Variants in ARHGEF3 observed in about 807,000 individuals in gnomAD.
The protein encoded by ARHGEF3 is 59.8 kDA protein.
A neutral mutation model predicts 63.2 loss-of-function variants in ARHGEF3; 28 were observed. The observed-to-expected ratio is 0.44, with a 90% CI of 0.33 to 0.61. ARHGEF3 has a LOEUF of 0.61. Ranked by LOEUF, ARHGEF3 falls within the 20% of genes least tolerant of loss-of-function variation. ARHGEF3 has a pLI of 0.03. For synonymous variants in ARHGEF3, 266 were observed against 254.2 expected, an observed-to-expected ratio of 1.05 and a Z score of -0.44; for missense variants, 533 against 659.3, an observed-to-expected ratio of 0.81 and a Z score of 2.10.
At chr3:56,944,290 T>TCAC (rs1034258140) in intron 3 of ARHGEF3, among the ~76,000 whole-genome samples, 1 of 152,174 alleles carries the variant, frequency 6.6e-6, no homozygotes, top group Non-Finnish European at 1.5e-5. Flanking sequence ...TGTAAAGGAT[T>TCAC]CACCATTCTA....
At chr3:56,792,147 A>AG (rs1478387234) in intron 1 of ARHGEF3, among the ~76,000 whole-genome samples, 94 of 83,012 alleles carry the variant, frequency 1.1e-3, no homozygotes, top group African/African-American at 8.2e-3. Flanking sequence ...AGAAAAGAAA[A>AG]TAACTGACTA....
At chr3:57,046,683 T>G (rs1238394890) in intron 1 of ARHGEF3, among the ~76,000 whole-genome samples, 1 of 152,180 alleles carries the variant, frequency 6.6e-6, no homozygotes, top group Non-Finnish European at 1.5e-5. Context: ...TCAGCTGCAC[T>G]GCAGGTAAAG....
chr3:57,017,005 G>GTCTCTCTT (rs1703036805), intron 2 of ARHGEF3, among the ~76,000 whole-genome samples: 1 of 129,058 alleles, frequency 7.7e-6, no homozygotes, highest in Admixed American at 7.7e-5. Flanking sequence ...CTTTCTCTCT[G>GTCTCTCTT]TCTCTCTCTC....
At chr3:56,892,016 G>C (rs968829672) in intron 3 of ARHGEF3, among the ~76,000 whole-genome samples, 1 of 152,090 alleles carries the variant, frequency 6.6e-6, no homozygotes, top group African/African-American at 2.4e-5. Flanking sequence ...CTTCTCCCAC[G>C]GGAGGGAAGA....
chr3:56,745,086 G>C, intron 7 of ARHGEF3, 119 bp downstream of exon 7: 1 of 1,315,744 alleles, frequency 7.6e-7, no homozygotes, highest in Non-Finnish European at 1.0e-6. Flanking sequence ...GCCAGGCCTG[G>C]AACCCAAGAT....
intron 4 of ARHGEF3, among the ~76,000 whole-genome samples, chr3:56,881,649 G>GA (rs112996968): frequency 1.0e-3 from 149 of 148,276 alleles, no homozygotes; most frequent in Middle Eastern, 6.9e-3. Flanking sequence ...GATTTAAAAA[G>GA]AAAAAAAAAA....
chr3:56,896,230 C>A (rs569653678), intron 3 of ARHGEF3, among the ~76,000 whole-genome samples: 1 of 152,286 alleles, frequency 6.6e-6, no homozygotes, highest in South Asian at 2.1e-4. Flanking sequence ...TCCTGAAAAT[C>A]CTTTACTCAG....
At chr3:56,799,443 G>C (rs1191018200) in intron 1 of ARHGEF3, among the ~76,000 whole-genome samples, 1 of 152,076 alleles carries the variant, frequency 6.6e-6, no homozygotes, top group African/African-American at 2.4e-5. Context: ...AAAGGCCTCT[G>C]GATAGATCTA....
At chr3:56,798,563 C>CAA (rs2037485103) in intron 1 of ARHGEF3, among the ~76,000 whole-genome samples, 1 of 132,046 alleles carries the variant, frequency 7.6e-6, no homozygotes, top group African/African-American at 2.9e-5. Flanking sequence ...TTTTTTAAGC[C>CAA]TTCTTTTTAA....
At chr3:56,744,745 T>C (rs1004682607) in intron 7 of ARHGEF3, among the ~76,000 whole-genome samples, 5 of 152,112 alleles carry the variant, frequency 3.3e-5, no homozygotes, top group Non-Finnish European at 5.9e-5. Context: ...ATCCCACTAG[T>C]GAGCAGGAGG....
chr3:56,807,171 C>T (rs556018715), intron 4 of ARHGEF3, among the ~76,000 whole-genome samples: 3 of 152,170 alleles, frequency 2.0e-5, no homozygotes, highest in African/African-American at 4.8e-5. Context: ...CAGGTGGGAG[C>T]CACCGCGCCA....
intron 2 of ARHGEF3, among the ~76,000 whole-genome samples, chr3:57,001,182 C>T (rs1702178110): frequency 1.3e-5 from 2 of 152,150 alleles, no homozygotes; most frequent in African/African-American, 4.8e-5. Context: ...TCAAGCAATC[C>T]ACCTGCTTCA....
At chr3:56,816,466 C>T (rs986997437) in intron 4 of ARHGEF3, among the ~76,000 whole-genome samples, 1 of 152,182 alleles carries the variant, frequency 6.6e-6, no homozygotes. Flanking sequence ...TCATTATTCT[C>T]TAGCATCTGT....
At chr3:56,977,236 C>T (rs139341144) in intron 2 of ARHGEF3, 138 of 456,462 alleles carry the variant, frequency 3.0e-4, no homozygotes, top group African/African-American at 2.3e-3. Context: ...CAAACTGGGG[C>T]GAGAAAAATG....
chr3:56,862,797 G>A (rs763423595), intron 4 of ARHGEF3, among the ~76,000 whole-genome samples: 1 of 152,128 alleles, frequency 6.6e-6, no homozygotes. Flanking sequence ...CTTATAGGAC[G>A]CAAGAGTCAA....
intron 2 of ARHGEF3, chr3:57,007,196 T>G: frequency 7.8e-7 from 1 of 1,282,602 alleles, no homozygotes; most frequent in Non-Finnish European, 1.0e-6. Flanking sequence ...ATTCTCAGTT[T>G]GTTCTGGAAT....
intron 1 of ARHGEF3, among the ~76,000 whole-genome samples, chr3:56,782,612 A>G (rs2036612225): frequency 2.6e-5 from 4 of 151,396 alleles, no homozygotes. Flanking sequence ...CCATATTAAG[A>G]TAAGGTGCTA....
At position 56,932,817 on chromosome 3, in the gene ARHGEF3, C is replaced by G. The variant is rs558032554; in HGVS notation, c.129+26006G>C. ...GCATTTTGAGTTATCACTTAAAATG[C>G]TAATTCTGAAGCTTTAAAAAATTTC... On this transcript the variant is annotated intron_variant, in intron 3 of 12. Coordinates refer to the ARHGEF3 transcript ENST00000338458. 2.0e-4 allele frequency among the ~76,000 whole-genome samples: 30 copies of G among 152,316 alleles called. 1 individual carries two copies. The highest frequency in any genetic ancestry group is 6.2e-4 in the South Asian group (3 of 4,824).
intron 3 of ARHGEF3, among the ~76,000 whole-genome samples, chr3:56,927,013 C>A (rs1321212265): frequency 6.6e-6 from 1 of 152,206 alleles, no homozygotes. Flanking sequence ...GCATAGCAAC[C>A]AGAACACAGA....
Sources: allele counts gnomAD v4.1 joint callset (sites outside exome capture counted in the v4.1 genomes callset), GRCh38; gene constraint gnomAD v4.1.1; transcripts MANE v1.5; gene names NCBI Gene and HGNC (gene_info 2026-07-23, HGNC 2026-07-21).